The following MACROD2 variants were observed in gnomAD, a reference collection of about 807,000 sequenced individuals.
MACROD2 encodes the protein ADP-ribose glycohydrolase MACROD2.
A neutral mutation model predicts 70.4 loss-of-function variants in MACROD2; 36 were observed. The ratio of observed to expected loss-of-function variants is 0.51; its 90% confidence interval spans 0.39 to 0.68. The LOEUF (loss-of-function observed/expected upper bound fraction) is 0.68. MACROD2 is among the 30% of genes least tolerant of loss of function. MACROD2 has a pLI of 0.00. For synonymous variants in MACROD2, 172 were observed against 178.8 expected, an observed-to-expected ratio of 0.96 and a Z score of 0.30; for missense variants, 496 against 538.4, an observed-to-expected ratio of 0.92 and a Z score of 0.78.
At chr20:15,910,404 G>GTA (rs2065219366) in intron 10 of MACROD2, among the ~76,000 whole-genome samples, 1 of 151,578 alleles carries the variant, frequency 6.6e-6, no homozygotes, top group South Asian at 2.1e-4. Flanking sequence ...ATGTGTGTGT[G>GTA]TGTGTGTGTG....
intron 5 of MACROD2, among the ~76,000 whole-genome samples, chr20:15,112,183 T>C (rs1053942621): frequency 2.0e-5 from 3 of 152,190 alleles, no homozygotes; most frequent in Non-Finnish European, 4.4e-5. Flanking sequence ...ATTTCTCTTA[T>C]CTGTGATTTG....
intron 6 of MACROD2, among the ~76,000 whole-genome samples, chr20:15,298,492 A>G (rs1377857358): frequency 1.3e-5 from 2 of 152,254 alleles, no homozygotes; most frequent in Non-Finnish European, 2.9e-5. Context: ...TAAGGGTTAC[A>G]TTCAGCACAA....
chr20:15,519,173 C>T (rs1317914744), intron 8 of MACROD2, among the ~76,000 whole-genome samples: 14 of 151,752 alleles, frequency 9.2e-5, no homozygotes, highest in Admixed American at 2.0e-4. Context: ...TGCAGTGGCA[C>T]GACCTCGGCT....
chr20:15,848,371 G>T (rs536697010), intron 8 of MACROD2, among the ~76,000 whole-genome samples: 4 of 152,006 alleles, frequency 2.6e-5, no homozygotes, highest in Non-Finnish European at 5.9e-5. Flanking sequence ...GGGGGAGGGG[G>T]GGGTCATCTT....
intron 6 of MACROD2, among the ~76,000 whole-genome samples, chr20:15,315,415 C>G (rs1025049634): frequency 6.6e-6 from 1 of 152,244 alleles, no homozygotes; most frequent in East Asian, 1.9e-4. Context: ...AACTGTTAAA[C>G]ACTAGAAACA....
At chr20:15,305,867 C>A (rs913816602) in intron 6 of MACROD2, among the ~76,000 whole-genome samples, 2 of 152,132 alleles carry the variant, frequency 1.3e-5, no homozygotes, top group Non-Finnish European at 2.9e-5. Context: ...AATGGTCTAA[C>A]CTTTTTCTTT....
In MACROD2 at chr20:15,499,760, T is replaced by C; in HGVS notation, c.572-14T>C. ...CTTTCGTTGTTCATTTGTTTTTTCC[T>C]GCTCTTCATCTAGGCTTTCCCAACG... On this transcript the variant is annotated splice_polypyrimidine_tract_variant and intron_variant, in intron 7 of 17. Coordinates refer to ENST00000684519, the MANE Select transcript of MACROD2 (RefSeq NM_001351661.2). 1 of 1,613,436 alleles carries C rather than the reference T, an allele frequency of 6.2e-7. No individual in the cohort carries two copies. The highest frequency in any genetic ancestry group is 8.5e-7 in the Non-Finnish European group (1 of 1,179,434).
At chr20:15,785,882 G>C (rs1301414523) in intron 8 of MACROD2, among the ~76,000 whole-genome samples, 1 of 151,878 alleles carries the variant, frequency 6.6e-6, no homozygotes, top group South Asian at 2.1e-4. Context: ...CAAAATTAAG[G>C]GATATTAATA....
At chr20:15,420,907 G>A (rs1272348681) in intron 6 of MACROD2, among the ~76,000 whole-genome samples, 1 of 152,118 alleles carries the variant, frequency 6.6e-6, no homozygotes, top group Non-Finnish European at 1.5e-5. Context: ...ATAGCATAGT[G>A]AGACCCTCGT....
intron 4 of MACROD2, among the ~76,000 whole-genome samples, chr20:14,585,372 G>A (rs1033080952): frequency 2.0e-5 from 3 of 152,090 alleles, no homozygotes; most frequent in African/African-American, 4.8e-5. Context: ...TTTCCGAAGA[G>A]TTAAAATTAA....
chr20:15,812,988 G>T (rs951252377), intron 8 of MACROD2, among the ~76,000 whole-genome samples: 61 of 152,110 alleles, frequency 4.0e-4, no homozygotes, highest in Admixed American at 2.4e-3. Flanking sequence ...AACAGGTTCA[G>T]GTACCCCAGA....
At chr20:15,454,974 G>C (rs6079837) in intron 7 of MACROD2, among the ~76,000 whole-genome samples, 58,604 of 151,872 alleles carry the variant, frequency 0.39, 11,912 homozygotes, top group East Asian at 0.72. Context: ...CTTTACTGTC[G>C]AAGGCCATCT....
At chr20:15,679,121 T>C (rs991689157) in intron 8 of MACROD2, among the ~76,000 whole-genome samples, 7 of 151,192 alleles carry the variant, frequency 4.6e-5, no homozygotes, top group Non-Finnish European at 1.0e-4. Flanking sequence ...TCTATAGTCC[T>C]GGCTGCTTGG....
At chr20:15,856,324 C>T (rs766034384) in intron 8 of MACROD2, among the ~76,000 whole-genome samples, 2 of 152,152 alleles carry the variant, frequency 1.3e-5, no homozygotes, top group Non-Finnish European at 2.9e-5. Flanking sequence ...GCTGAAGAGC[C>T]ATTGTACTCA....
chr20:15,797,184 G>A (rs2063681917), intron 8 of MACROD2, among the ~76,000 whole-genome samples: 1 of 152,088 alleles, frequency 6.6e-6, no homozygotes, highest in Non-Finnish European at 1.5e-5. Context: ...CGTGATCTCG[G>A]CTCACTGCAA....
intron 3 of MACROD2, among the ~76,000 whole-genome samples, chr20:14,141,429 C>G (rs1569177012): frequency 6.6e-6 from 1 of 152,248 alleles, no homozygotes; most frequent in East Asian, 1.9e-4. Context: ...AGGAGATACA[C>G]CTATAATGCA....
At chr20:14,627,204 A>G (rs1984225326) in intron 4 of MACROD2, 1 of 152,194 alleles carries the variant, frequency 6.6e-6, no homozygotes, top group Non-Finnish European at 1.5e-5. Flanking sequence ...GATATCCCCT[A>G]CAGAAATGAG....
intron 5 of MACROD2, among the ~76,000 whole-genome samples, chr20:14,709,962 A>C (rs1373128945): frequency 6.6e-6 from 1 of 152,192 alleles, no homozygotes; most frequent in African/African-American, 2.4e-5. Flanking sequence ...CATGTTTATA[A>C]ACATATTTTC....
intron 15 of MACROD2, among the ~76,000 whole-genome samples, chr20:16,040,154 A>G (rs934089835): frequency 2.0e-5 from 3 of 151,870 alleles, no homozygotes; most frequent in Non-Finnish European, 2.9e-5. Flanking sequence ...TCTGCCATTC[A>G]TCTACCTAAG....
Sources: allele counts gnomAD v4.1 joint callset (sites outside exome capture counted in the v4.1 genomes callset), GRCh38; gene constraint gnomAD v4.1.1; transcripts MANE v1.5; gene names NCBI Gene and HGNC (gene_info 2026-07-23, HGNC 2026-07-21).